The following MAGI2 variants were observed in gnomAD, a reference collection of about 807,000 sequenced individuals.
The protein encoded by MAGI2 is membrane-associated guanylate kinase, WW and PDZ domain-containing protein 2.
MAGI2 carries 35 observed loss-of-function variants against 133.3 expected under a neutral mutation model. That is an observed-to-expected ratio of 0.26 (90% CI 0.20 to 0.35). The LOEUF (loss-of-function observed/expected upper bound fraction) is 0.35. Among genes scored for constraint, MAGI2 ranks in the 10% least tolerant of loss-of-function variants. The probability of loss-of-function intolerance (pLI) is 1.00; values close to 1 mark genes in which losing one functional copy is unlikely to be tolerated. For missense variants in MAGI2, 1,636 were observed against 1,863.4 expected (o/e 0.88, Z 2.25); for synonymous variants, 729 against 710.6 (o/e 1.03, Z -0.41).
At chr7:79,408,557 T>C (rs979934309) in intron 1 of MAGI2, among the ~76,000 whole-genome samples, 1 of 151,980 alleles carries the variant, frequency 6.6e-6, no homozygotes, top group African/African-American at 2.4e-5. Context: ...AATGTCTAAA[T>C]GGAAATGTGT....
intron 1 of MAGI2, among the ~76,000 whole-genome samples, chr7:79,265,032 T>A (rs1273510376): frequency 6.6e-6 from 1 of 152,056 alleles, no homozygotes; most frequent in Admixed American, 6.5e-5. Context: ...CCTCCAACAT[T>A]GGGGATCAAA....
chr7:79,194,245 T>C (rs1827898559), intron 1 of MAGI2, among the ~76,000 whole-genome samples: 1 of 152,038 alleles, frequency 6.6e-6, no homozygotes, highest in Admixed American at 6.6e-5. Context: ...CCTTCCATCC[T>C]ATTAAAGGCC....
At chr7:78,512,266 G>T (rs150092561) in intron 4 of MAGI2, among the ~76,000 whole-genome samples, 1 of 152,110 alleles carries the variant, frequency 6.6e-6, no homozygotes, top group African/African-American at 2.4e-5. Flanking sequence ...GGGAGAAAAC[G>T]TAAGTCTAGA....
chr7:78,652,361 A>G (rs185603804), intron 2 of MAGI2, among the ~76,000 whole-genome samples: 3 of 152,178 alleles, frequency 2.0e-5, no homozygotes, highest in Non-Finnish European at 4.4e-5. Flanking sequence ...AAGGGTCGCT[A>G]CCTGACTTCA....
chr7:79,370,818 G>A (rs1275859314), intron 1 of MAGI2, among the ~76,000 whole-genome samples: 1 of 151,984 alleles, frequency 6.6e-6, no homozygotes, highest in African/African-American at 2.4e-5. Context: ...CAGTGATAAA[G>A]TTCATAACAG....
chr7:79,027,727 C>T (rs1217377973), intron 1 of MAGI2, among the ~76,000 whole-genome samples: 4 of 152,046 alleles, frequency 2.6e-5, no homozygotes, highest in Admixed American at 2.6e-4. Context: ...TGATAATTAG[C>T]TTGATTTAAT....
At chr7:79,310,176 AAAAAAAAAAAAAAAAAAAAG>A (rs1365045622) in intron 1 of MAGI2, among the ~76,000 whole-genome samples, 3 of 138,144 alleles carry the variant, frequency 2.2e-5, no homozygotes, top group Non-Finnish European at 3.1e-5. Flanking sequence ...AAAAAAAAAA[AAAAAAAAAAAAAAAAAAAAG>A]AGAGAGAGAG....
chr7:78,518,281 G>A (rs531357602), intron 4 of MAGI2: 49 of 152,212 alleles, frequency 3.2e-4, no homozygotes, highest in Non-Finnish European at 7.2e-4. Context: ...GTGGTTATAT[G>A]TTTATATATC....
At chr7:78,648,280 C>T (rs1811116552) in intron 2 of MAGI2, among the ~76,000 whole-genome samples, 1 of 152,186 alleles carries the variant, frequency 6.6e-6, no homozygotes, top group South Asian at 2.1e-4. Context: ...TTCACTGGCT[C>T]ATCCTTGTAA....
intron 3 of MAGI2, among the ~76,000 whole-genome samples, chr7:78,560,431 A>C (rs554155432): frequency 3.3e-5 from 5 of 152,302 alleles, no homozygotes; most frequent in African/African-American, 1.2e-4. Flanking sequence ...GAGAATGAAT[A>C]AAATAGCATG....
chr7:78,294,090 A>ATAAT (rs1796993353), intron 9 of MAGI2, among the ~76,000 whole-genome samples: 2 of 152,080 alleles, frequency 1.3e-5, no homozygotes, highest in Non-Finnish European at 2.9e-5. Context: ...AAAAATATAT[A>ATAAT]TAATTCTTTA....
Position 78,185,727 on chromosome 7 carries a change from A to G in MAGI2, c.2270-57T>C, listed in dbSNP as rs1827625874. The G allele has an allele frequency of 3.0e-6, 4 of 1,344,124 alleles. No individual in the cohort carries two copies. In the Admixed American group the frequency reaches 7.0e-5, roughly 24 times the overall value. 83.3% of individuals were successfully genotyped at this position (1,344,124 alleles called of 1,614,324 possible). A position where few individuals can be genotyped will look rare whatever the true frequency, so the allele number is the denominator to read the frequency against. On this transcript the variant is annotated intron_variant, in intron 12 of 21. Transcript: ENST00000354212. The stretch of plus-strand genomic sequence containing the variant: ...ATTCATTTATGGCATTTTAAAATTC[A>G]TCTTTACTTTCTTTTTGTTGCTATC...
chr7:79,453,373 G>T lies in MAGI2; in HGVS notation c.-53C>A. On this transcript the variant is annotated 5_prime_UTR_variant, in exon 1 of 22. Transcript: ENST00000354212. ...TGGGCTCCTTGGGGTTAGGGGGGCTGGTGGTGAGAGAATGAGGATGGAGGA... is the reference window on the plus strand; with the variant it reads ...TGGGCTCCTTGGGGTTAGGGGGGCTTGTGGTGAGAGAATGAGGATGGAGGA... 6.5e-7 allele frequency: 1 copy of T among 1,539,544 alleles called. No individual in the cohort carries two copies. The highest frequency in any genetic ancestry group is 8.7e-7 in the Non-Finnish European group (1 of 1,146,362).
At chr7:78,086,361 C>T (rs1366099147) in intron 20 of MAGI2, among the ~76,000 whole-genome samples, 1 of 151,658 alleles carries the variant, frequency 6.6e-6, no homozygotes, top group African/African-American at 2.4e-5. Flanking sequence ...CCTCAGCCTC[C>T]CGAGTAGCTG....
At chr7:79,275,675 G>C (rs1563069878) in intron 1 of MAGI2, among the ~76,000 whole-genome samples, 1 of 152,122 alleles carries the variant, frequency 6.6e-6, no homozygotes, top group Non-Finnish European at 1.5e-5. Context: ...AGAAGTCAAT[G>C]TCTGCCTTCA....
chr7:78,579,601 A>G (rs570924121), intron 3 of MAGI2, among the ~76,000 whole-genome samples: 69 of 152,298 alleles, frequency 4.5e-4, no homozygotes, highest in African/African-American at 1.6e-3. Flanking sequence ...TTTTTATGCC[A>G]TTATTGCCTT....
At chr7:78,020,190 C>T (rs1013730976) in intron 21 of MAGI2, among the ~76,000 whole-genome samples, 1 of 151,998 alleles carries the variant, frequency 6.6e-6, no homozygotes, top group Admixed American at 6.6e-5. Context: ...AGCCCCCACG[C>T]CCCGAACCTC....
chr7:78,156,836 A>C (rs1039028356), intron 16 of MAGI2, among the ~76,000 whole-genome samples: 1 of 152,110 alleles, frequency 6.6e-6, no homozygotes, highest in South Asian at 2.1e-4. Flanking sequence ...CCCAAAAAAA[A>C]ACCCCAAAAA....
At chr7:78,109,167 G>A (rs377295934) in intron 20 of MAGI2, among the ~76,000 whole-genome samples, 20 of 151,102 alleles carry the variant, frequency 1.3e-4, no homozygotes, top group Admixed American at 9.9e-4. Flanking sequence ...AGCTGGGCGT[G>A]GTGGCGGGCG....
Sources: gnomAD v4.1 joint callset for allele counts (sites outside exome capture counted in the v4.1 genomes callset) on GRCh38, gnomAD v4.1.1 for gene constraint, MANE v1.5 for transcripts, NCBI Gene and HGNC (gene_info 2026-07-23, HGNC 2026-07-21) for gene names.